Variants in FGGY observed in about 807,000 individuals in gnomAD.
FGGY encodes the protein FGGY carbohydrate kinase domain-containing protein.
In FGGY, 72 loss-of-function variants were observed where a neutral mutation model predicts 71.3. The observed-to-expected ratio is 1.01, with a 90% confidence interval of 0.84 to 1.23. The LOEUF is 1.23. Ranked by LOEUF, FGGY falls within the 50% of genes most tolerant of loss-of-function variation. The pLI, the probability that FGGY is intolerant of heterozygous loss-of-function variation, is 0.00. For missense variants in FGGY, 668 were observed against 682.3 expected (o/e 0.98, Z 0.23); for synonymous variants, 251 against 250.3 (o/e 1.00, Z -0.02).
At chr1:59,568,992 G>GA (rs540746042) in intron 8 of FGGY, among the ~76,000 whole-genome samples, 222 of 150,492 alleles carry the variant, frequency 1.5e-3, no homozygotes, top group Non-Finnish European at 2.6e-3. Flanking sequence ...AAAATACTCA[G>GA]AAAAAAAAAG....
intron 8 of FGGY, among the ~76,000 whole-genome samples, chr1:59,556,498 C>T (rs564457728): frequency 1.6e-4 from 25 of 152,340 alleles, no homozygotes; most frequent in African/African-American, 5.8e-4. Flanking sequence ...TGAAATCTAA[C>T]TCTGATTCCA....
intron 14 of FGGY, among the ~76,000 whole-genome samples, chr1:59,738,734 G>T (rs1051467977): frequency 2.0e-5 from 3 of 152,200 alleles, no homozygotes; most frequent in Admixed American, 6.5e-5. Context: ...ACTCACATCT[G>T]TCCAGAGCTT....
intron 8 of FGGY, among the ~76,000 whole-genome samples, chr1:59,599,920 A>G (rs1021133053): frequency 1.3e-5 from 2 of 152,062 alleles, no homozygotes; most frequent in Non-Finnish European, 2.9e-5. Context: ...ATTTCAGGAG[A>G]CAAAAAGGTA....
intron 6 of FGGY, among the ~76,000 whole-genome samples, chr1:59,484,394 A>G (rs1054739099): frequency 2.0e-5 from 3 of 151,866 alleles, no homozygotes; most frequent in Admixed American, 6.6e-5. Context: ...CACCTACTCT[A>G]TCATCTTCTT....
At chr1:59,633,053 C>G (rs570558971) in intron 10 of FGGY, among the ~76,000 whole-genome samples, 10 of 150,542 alleles carry the variant, frequency 6.6e-5, no homozygotes, top group Non-Finnish European at 1.2e-4. Context: ...CACTTTCACC[C>G]AGGCTGGAGT....
intron 5 of FGGY, among the ~76,000 whole-genome samples, chr1:59,446,463 G>A (rs995089671): frequency 6.6e-5 from 10 of 152,156 alleles, no homozygotes; most frequent in South Asian, 2.1e-4. Context: ...TCTTGATGAA[G>A]TACAGAGCCA....
intron 7 of FGGY, among the ~76,000 whole-genome samples, chr1:59,546,950 C>CTTTTTTT: frequency 8.7e-6 from 1 of 115,208 alleles, no homozygotes; most frequent in Non-Finnish European, 1.8e-5. Flanking sequence ...ACCTTTTTGA[C>CTTTTTTT]TTTTTTTTTT....
intron 5 of FGGY, among the ~76,000 whole-genome samples, chr1:59,442,287 G>GT (rs899354904): frequency 3.3e-4 from 50 of 152,234 alleles, no homozygotes; most frequent in African/African-American, 1.1e-3. Flanking sequence ...AAATTGTCAT[G>GT]TTTTTTACCT....
At chr1:59,559,796 G>A (rs1002599277) in intron 8 of FGGY, among the ~76,000 whole-genome samples, 4 of 152,128 alleles carry the variant, frequency 2.6e-5, no homozygotes, top group Admixed American at 1.3e-4. Context: ...AATTTAAGCA[G>A]TAAAATGAAG....
intron 6 of FGGY, among the ~76,000 whole-genome samples, chr1:59,503,691 A>G (rs1218906980): frequency 6.7e-6 from 1 of 148,846 alleles, no homozygotes. Flanking sequence ...ATTAAAATAA[A>G]TATAATTTTA....
At chr1:59,649,962 G>A (rs776883366) in intron 11 of FGGY, among the ~76,000 whole-genome samples, 1 of 146,918 alleles carries the variant, frequency 6.8e-6, no homozygotes, top group African/African-American at 2.7e-5. Flanking sequence ...TAGCATGAAG[G>A]GTTGTTGAAT....
intron 14 of FGGY, among the ~76,000 whole-genome samples, chr1:59,736,766 A>G (rs1435771280): frequency 1.3e-5 from 2 of 152,234 alleles, no homozygotes; most frequent in Non-Finnish European, 1.5e-5. Flanking sequence ...AATGCAATAG[A>G]AAAGAAAACC....
intron 1 of FGGY, among the ~76,000 whole-genome samples, chr1:59,315,992 T>C (rs1409905177): frequency 6.6e-6 from 1 of 152,226 alleles, no homozygotes; most frequent in Admixed American, 6.5e-5. Context: ...GAGAAACAAC[T>C]ATTATTGCCA....
chr1:59,626,030 C>G lies in FGGY; in HGVS notation c.1054C>G (p.Gln352Glu). 6.2e-7 allele frequency: 1 copy of G among 1,613,472 alleles called. No individual in the cohort carries two copies. Among genetic ancestry groups the G allele is most frequent in the Non-Finnish European group, 8.5e-7 (1 of 1,179,646 alleles). Reference sequence around the variant, plus strand: ...AGGCCATGCTGCTTTTCCAGAACTACAAGTAAAGGCCACAGCCAGGTAACT... The same window carrying G: ...AGGCCATGCTGCTTTTCCAGAACTAGAAGTAAAGGCCACAGCCAGGTAACT... ...VQGHAAFPELQVKATARCQSI... is the reference protein window; with the variant it reads ...VQGHAAFPELEVKATARCQSI... Residue 352 changes from glutamine to glutamate, a missense_variant, in exon 10 of 16, where the codon CAA becomes GAA. Gln to Glu is a conservative substitution (Grantham distance 29). Coordinates refer to ENST00000303721, the MANE Select transcript of FGGY (RefSeq NM_018291.5).
At chr1:59,379,291 T>A (rs2059090801) in intron 5 of FGGY, among the ~76,000 whole-genome samples, 1 of 152,060 alleles carries the variant, frequency 6.6e-6, no homozygotes, top group Non-Finnish European at 1.5e-5. Context: ...CTTTCACAAA[T>A]CTAGATAGTG....
At chr1:59,630,988 A>G (rs1225120840) in intron 10 of FGGY, among the ~76,000 whole-genome samples, 15 of 152,126 alleles carry the variant, frequency 9.9e-5, no homozygotes. Flanking sequence ...TTCTGTCACC[A>G]TCAGCCCCCT....
At chr1:59,530,345 T>C (rs2095107512) in intron 7 of FGGY, among the ~76,000 whole-genome samples, 1 of 152,226 alleles carries the variant, frequency 6.6e-6, no homozygotes, top group Non-Finnish European at 1.5e-5. Flanking sequence ...TATTTTCTCC[T>C]AGCTTCAACC....
intron 7 of FGGY, among the ~76,000 whole-genome samples, chr1:59,522,968 G>A (rs896663407): frequency 6.6e-6 from 1 of 152,136 alleles, no homozygotes; most frequent in African/African-American, 2.4e-5. Context: ...AACTGTATCT[G>A]GTATTCTGGG....
intron 11 of FGGY, among the ~76,000 whole-genome samples, chr1:59,655,000 G>A (rs2097205049): frequency 6.6e-6 from 1 of 152,164 alleles, no homozygotes; most frequent in East Asian, 1.9e-4. Context: ...GCACTCAGGG[G>A]CTTCTCCATA....
Sources: allele counts gnomAD v4.1 joint callset (sites outside exome capture counted in the v4.1 genomes callset), GRCh38; gene constraint gnomAD v4.1.1; transcripts MANE v1.5; gene names NCBI Gene and HGNC (gene_info 2026-07-23, HGNC 2026-07-21).